The following RBMS3 variants were observed in gnomAD, a reference collection of about 807,000 sequenced individuals.
RBMS3 encodes RNA binding motif single stranded interacting protein 3, also known as RNA-binding motif, single-stranded-interacting protein 3.
Under a neutral mutation model 66.8 loss-of-function variants are expected in RBMS3, and 27 were observed. The ratio of observed to expected loss-of-function variants is 0.40; its 90% CI spans 0.30 to 0.56. The LOEUF (loss-of-function observed/expected upper bound fraction) is 0.56. Among genes scored for constraint, RBMS3 ranks in the 20% least tolerant of loss-of-function variants. The pLI is 0.40. For missense variants in RBMS3, 513 were observed against 549.5 expected (o/e 0.93, Z 0.66); for synonymous variants, 188 against 183.0 (o/e 1.03, Z -0.22).
chr3:29,592,938 C>A (rs1241180697), intron 4 of RBMS3, among the ~76,000 whole-genome samples: 18 of 139,690 alleles, frequency 1.3e-4, no homozygotes. Flanking sequence ...TGTTCTCACT[C>A]ATAGGTGGGA....
chr3:29,626,348 A>G (rs1280767700), intron 4 of RBMS3, among the ~76,000 whole-genome samples: 1 of 152,220 alleles, frequency 6.6e-6, no homozygotes, highest in Non-Finnish European at 1.5e-5. Flanking sequence ...GACTACAAAA[A>G]GTCAGGAACA....
chr3:29,633,283 T>C (rs190153096), intron 4 of RBMS3, among the ~76,000 whole-genome samples: 1 of 151,870 alleles, frequency 6.6e-6, no homozygotes, highest in African/African-American at 2.4e-5. Flanking sequence ...ATATATCCTC[T>C]AATAATGGTA....
chr3:29,890,115 T>A (rs1261334738), intron 8 of RBMS3, among the ~76,000 whole-genome samples: 1 of 151,718 alleles, frequency 6.6e-6, no homozygotes, highest in Non-Finnish European at 1.5e-5. Flanking sequence ...TATTTGATAC[T>A]TCTTTATAGA....
chr3:29,982,328 G>A (rs1698051004), intron 12 of RBMS3, among the ~76,000 whole-genome samples: 1 of 150,616 alleles, frequency 6.6e-6, no homozygotes. Context: ...TTATTAGTCT[G>A]GCTAATAGTC....
chr3:29,390,482 C>A (rs1290236093), intron 1 of RBMS3, among the ~76,000 whole-genome samples: 1 of 152,022 alleles, frequency 6.6e-6, no homozygotes, highest in African/African-American at 2.4e-5. Flanking sequence ...TTTTAATGTA[C>A]TCCTAAGAAA....
intron 13 of RBMS3, among the ~76,000 whole-genome samples, chr3:29,989,769 G>T (rs1698701506): frequency 6.6e-6 from 1 of 152,100 alleles, no homozygotes; most frequent in African/African-American, 2.4e-5. Context: ...TTTCAGAATT[G>T]CAAGAATATA....
chr3:29,637,800 A>C (rs2049529593), intron 4 of RBMS3, among the ~76,000 whole-genome samples: 1 of 151,870 alleles, frequency 6.6e-6, no homozygotes, highest in African/African-American at 2.4e-5. Context: ...CACTGGAGGA[A>C]ACCATTTCTC....
At position 29,701,883 on chromosome 3, in the gene RBMS3, G is replaced by A. The variant is rs1001225577; in HGVS notation, c.400-37837G>A. 4.7e-5 allele frequency among the ~76,000 whole-genome samples: 6 copies of A among 127,390 alleles called. No homozygotes were observed. In the South Asian group the frequency reaches 8.3e-4, roughly 18 times the overall value. 83.6% of individuals were successfully genotyped at this position (127,390 alleles called of 152,430 possible). Reference sequence around the variant, plus strand: ...GGAGCCCCACCCCCTGCTCCACGGCGCCGCCCGGTCCCATCGACCGCCCAA... The same window carrying A: ...GGAGCCCCACCCCCTGCTCCACGGCACCGCCCGGTCCCATCGACCGCCCAA... On this transcript the variant is annotated intron_variant, in intron 4 of 14. Coordinates refer to ENST00000383767, the MANE Select transcript of RBMS3 (RefSeq NM_001003793.3).
At chr3:29,429,203 GAGA>G (rs2041085417) in intron 1 of RBMS3, among the ~76,000 whole-genome samples, 1 of 152,180 alleles carries the variant, frequency 6.6e-6, no homozygotes, top group Non-Finnish European at 1.5e-5. Context: ...TTTGTAAAAT[GAGA>G]AGAATATTAT....
At chr3:29,476,004 G>C (rs1024829206) in intron 2 of RBMS3, among the ~76,000 whole-genome samples, 1 of 152,072 alleles carries the variant, frequency 6.6e-6, no homozygotes, top group Non-Finnish European at 1.5e-5. Context: ...AAACAAAAAG[G>C]CATCCTAGGT....
chr3:29,413,346 G>C (rs1559559663), intron 1 of RBMS3, among the ~76,000 whole-genome samples: 1 of 151,850 alleles, frequency 6.6e-6, no homozygotes, highest in Non-Finnish European at 1.5e-5. Context: ...TCCGGCCTGG[G>C]CAAAGAGAGT....
intron 6 of RBMS3, among the ~76,000 whole-genome samples, chr3:29,781,011 A>G (rs1333463785): frequency 6.6e-6 from 1 of 151,816 alleles, no homozygotes; most frequent in African/African-American, 2.4e-5. Flanking sequence ...CATGTGCACA[A>G]TGTGCAGGTT....
At chr3:29,831,498 T>C (rs920861958) in intron 6 of RBMS3, among the ~76,000 whole-genome samples, 4 of 152,016 alleles carry the variant, frequency 2.6e-5, no homozygotes, top group Non-Finnish European at 5.9e-5. Context: ...TCAAGATAAA[T>C]GTACACAGTA....
intron 6 of RBMS3, among the ~76,000 whole-genome samples, chr3:29,812,836 G>A (rs967445044): frequency 5.9e-5 from 9 of 151,988 alleles, no homozygotes; most frequent in African/African-American, 2.2e-4. Context: ...TCAATGAGAT[G>A]GTAGAACATA....
At chr3:29,562,116 G>A (rs1233742704) in intron 3 of RBMS3, among the ~76,000 whole-genome samples, 1 of 152,044 alleles carries the variant, frequency 6.6e-6, no homozygotes, top group East Asian at 1.9e-4. Context: ...TTTCAGAGCT[G>A]GAAGCCTTAG....
intron 2 of RBMS3, among the ~76,000 whole-genome samples, chr3:29,463,137 T>C (rs1483645900): frequency 6.6e-6 from 1 of 152,194 alleles, no homozygotes; most frequent in East Asian, 1.9e-4. Context: ...GACAAGGTGA[T>C]ATTTAGACAA....
At chr3:29,669,694 A>G (rs944721919) in intron 4 of RBMS3, among the ~76,000 whole-genome samples, 3 of 152,244 alleles carry the variant, frequency 2.0e-5, no homozygotes, top group African/African-American at 4.8e-5. Context: ...CAGCCTTCAC[A>G]TGAGTGTACA....
chr3:29,855,457 A>G (rs563302893), intron 6 of RBMS3, among the ~76,000 whole-genome samples: 2 of 152,300 alleles, frequency 1.3e-5, no homozygotes, highest in South Asian at 4.1e-4. Flanking sequence ...AATACAAAAT[A>G]TTTACTTCTT....
At chr3:29,578,624 A>G (rs3821575) in intron 3 of RBMS3, among the ~76,000 whole-genome samples, 49,789 of 150,984 alleles carry the variant, frequency 0.33, 9,802 homozygotes, top group African/African-American at 0.54. Flanking sequence ...TTTATCAAAG[A>G]TTTTGAAGGG....
Sources: gnomAD v4.1 joint callset for allele counts (sites outside exome capture counted in the v4.1 genomes callset) on GRCh38, gnomAD v4.1.1 for gene constraint, MANE v1.5 for transcripts, NCBI Gene and HGNC (gene_info 2026-07-23, HGNC 2026-07-21) for gene names.